Variants in CDH13 observed in about 807,000 individuals in gnomAD.
CDH13 encodes cadherin 13.
CDH13 carries 24 observed loss-of-function variants against 63.8 expected under a neutral mutation model. The observed-to-expected ratio is 0.38, with a 90% CI of 0.27 to 0.53. The LOEUF (loss-of-function observed/expected upper bound fraction) is 0.53. CDH13 is among the 20% of genes least tolerant of loss of function. The pLI is 0.85. For synonymous variants in CDH13, 503 were observed against 355.3 expected (o/e 1.42, Z -4.67); for missense variants, 1,049 against 903.1 (o/e 1.16, Z -2.07).
chr16:82,921,013 TATTA>T (rs1221212750), intron 2 of CDH13, among the ~76,000 whole-genome samples: 1 of 152,212 alleles, frequency 6.6e-6, no homozygotes, highest in Non-Finnish European at 1.5e-5. Context: ...TCCTCTAGTC[TATTA>T]ATTAAGCTTA....
At chr16:83,032,346 C>A in intron 3 of CDH13, 128 bp downstream of exon 3, 1 of 727,086 alleles carries the variant, frequency 1.4e-6, no homozygotes, top group Non-Finnish European at 2.2e-6. Flanking sequence ...TTGCAAATGA[C>A]AGAAATCCAA....
At chr16:83,479,735 A>G (rs1369355564) in intron 6 of CDH13, among the ~76,000 whole-genome samples, 6 of 152,118 alleles carry the variant, frequency 3.9e-5, no homozygotes, top group Admixed American at 3.9e-4. Flanking sequence ...GTGCATTCTC[A>G]AAGGGGGTAA....
chr16:83,231,018 T>G (rs2039986810), intron 5 of CDH13, among the ~76,000 whole-genome samples: 1 of 152,228 alleles, frequency 6.6e-6, no homozygotes, highest in Non-Finnish European at 1.5e-5. Context: ...TTCATCTTCC[T>G]CGGGCTCTGA....
chr16:83,546,701 CT>C (rs2075392444), intron 7 of CDH13, among the ~76,000 whole-genome samples: 1 of 152,114 alleles, frequency 6.6e-6, no homozygotes, highest in Non-Finnish European at 1.5e-5. Context: ...TTGTGTTTAG[CT>C]TCTCTTTCCC....
At chr16:82,627,339 TG>T (rs1907425822) in intron 1 of CDH13, among the ~76,000 whole-genome samples, 1 of 37,284 alleles carries the variant, frequency 2.7e-5, no homozygotes, top group Admixed American at 3.3e-4. Flanking sequence ...CTGGCGTGCG[TG>T]TGTGTGTGTG....
chr16:82,634,308 C>G (rs1908386666), intron 1 of CDH13, among the ~76,000 whole-genome samples: 1 of 152,238 alleles, frequency 6.6e-6, no homozygotes, highest in African/African-American at 2.4e-5. Context: ...GAACCGCTTT[C>G]TTGTGTTGTG....
chr16:82,709,913 C>T (rs912426274), intron 1 of CDH13, among the ~76,000 whole-genome samples: 2 of 151,894 alleles, frequency 1.3e-5, no homozygotes, highest in Admixed American at 6.6e-5. Flanking sequence ...AGAAATAAAG[C>T]CCCAGAAGGG....
chr16:83,646,894 A>T (rs970904082), intron 8 of CDH13, among the ~76,000 whole-genome samples: 1 of 151,910 alleles, frequency 6.6e-6, no homozygotes, highest in African/African-American at 2.4e-5. Context: ...TTTCCCCTTC[A>T]CCTGCTAATG....
At chr16:83,419,930 A>T (rs1338726728) in intron 6 of CDH13, among the ~76,000 whole-genome samples, 14 of 150,978 alleles carry the variant, frequency 9.3e-5, no homozygotes, top group Non-Finnish European at 1.3e-4. Flanking sequence ...TTTTTTTTAA[A>T]AAAAAGTTTT....
chr16:83,135,933 A>G (rs1389040900), intron 4 of CDH13, among the ~76,000 whole-genome samples: 1 of 152,178 alleles, frequency 6.6e-6, no homozygotes, highest in Non-Finnish European at 1.5e-5. Context: ...GGAAAACCAA[A>G]CATCATATGT....
intron 2 of CDH13, among the ~76,000 whole-genome samples, chr16:82,982,966 G>T (rs145944678): frequency 1.3e-5 from 2 of 152,228 alleles, no homozygotes; most frequent in Admixed American, 6.5e-5. Flanking sequence ...AAGCATGGTG[G>T]CCCTGAGAAT....
Position 83,248,982 on chromosome 16 carries a change from T to C in CDH13, c.636+31485T>C, listed in dbSNP as rs141114617. Among the ~76,000 whole-genome samples, 15 of 152,338 alleles carry C rather than the reference T, an allele frequency of 9.8e-5. No homozygotes were observed. The East Asian group carries it at 2.9e-3, about 29-fold the overall frequency. On this transcript the variant is annotated intron_variant, in intron 5 of 13. Coordinates refer to ENST00000567109, the MANE Select transcript of CDH13 (RefSeq NM_001257.5). ...GGAAGTTATCACCAGCTTTCACTCT[T>C]TGAGTGCATAACCTTTCACTCTGTT...
At chr16:83,774,929 T>C (rs1341452062) in intron 11 of CDH13, among the ~76,000 whole-genome samples, 2 of 151,920 alleles carry the variant, frequency 1.3e-5, no homozygotes, top group African/African-American at 4.8e-5. Flanking sequence ...TGGTTAAAAA[T>C]TGTCAATTTT....
chr16:82,805,124 G>A (rs1266103127), intron 1 of CDH13, among the ~76,000 whole-genome samples: 1 of 152,174 alleles, frequency 6.6e-6, no homozygotes, highest in Non-Finnish European at 1.5e-5. Context: ...TTCATTGTGT[G>A]TGTTTCTAGG....
chr16:83,271,454 T>TAAAAAA (rs2088810570), intron 5 of CDH13, among the ~76,000 whole-genome samples: 2 of 17,124 alleles, frequency 1.2e-4, no homozygotes, highest in Non-Finnish European at 1.8e-4. Flanking sequence ...AAAAAAAAAT[T>TAAAAAA]CATGGTTGCT....
chr16:82,951,120 C>T (rs980692061), intron 2 of CDH13, among the ~76,000 whole-genome samples: 5 of 152,012 alleles, frequency 3.3e-5, no homozygotes, highest in African/African-American at 1.2e-4. Context: ...TCACAATGGC[C>T]ATGTTTTGAG....
chr16:83,167,025 A>G (rs2037705762), intron 4 of CDH13, among the ~76,000 whole-genome samples: 1 of 152,124 alleles, frequency 6.6e-6, no homozygotes, highest in Admixed American at 6.6e-5. Flanking sequence ...GAGAAGTTGC[A>G]AGTTACATGA....
intron 4 of CDH13, among the ~76,000 whole-genome samples, chr16:83,165,020 C>T (rs570844760): frequency 1.3e-5 from 2 of 151,262 alleles, no homozygotes; most frequent in African/African-American, 4.9e-5. Context: ...AGCACACTCT[C>T]TGCCCAGAGC....
chr16:83,595,424 C>G (rs570732271), intron 7 of CDH13, among the ~76,000 whole-genome samples: 1 of 152,296 alleles, frequency 6.6e-6, no homozygotes, highest in African/African-American at 2.4e-5. Flanking sequence ...CTTTGTCATC[C>G]ACTTAGGGAG....
Sources: gnomAD v4.1 joint callset for allele counts (sites outside exome capture counted in the v4.1 genomes callset) on GRCh38, gnomAD v4.1.1 for gene constraint, MANE v1.5 for transcripts, NCBI Gene and HGNC (gene_info 2026-07-23, HGNC 2026-07-21) for gene names.